KCNH8: variants seen among roughly 807,000 people sequenced by gnomAD.
KCNH8 encodes voltage-gated delayed rectifier potassium channel KCNH8.
In KCNH8, 70 loss-of-function variants were observed where a neutral mutation model predicts 103.6. That is an observed-to-expected ratio of 0.68 (90% confidence interval 0.56 to 0.82). The LOEUF is 0.82. Ranked by LOEUF, KCNH8 falls within the 40% of genes least tolerant of loss-of-function variation. The probability of loss-of-function intolerance (pLI) is 0.00; values close to 1 mark genes in which losing one functional copy is unlikely to be tolerated. For missense variants in KCNH8, 1,217 were observed against 1,329.9 expected, an observed-to-expected ratio of 0.92 and a Z score of 1.32; for synonymous variants, 498 against 489.4, an observed-to-expected ratio of 1.02 and a Z score of -0.23.
At chr3:19,219,417 G>A (rs1343469071) in intron 1 of KCNH8, among the ~76,000 whole-genome samples, 1 of 152,068 alleles carries the variant, frequency 6.6e-6, no homozygotes, top group African/African-American at 2.4e-5. Flanking sequence ...CCTCTGAGGG[G>A]TCTTTGTCTT....
At chr3:19,339,523 C>G (rs1318236818) in intron 3 of KCNH8, among the ~76,000 whole-genome samples, 1 of 152,054 alleles carries the variant, frequency 6.6e-6, no homozygotes, top group Non-Finnish European at 1.5e-5. Flanking sequence ...AAAAATTTAA[C>G]ACACGAAGAT....
chr3:19,457,963 A>G (rs2067559876), intron 11 of KCNH8, among the ~76,000 whole-genome samples: 1 of 151,982 alleles, frequency 6.6e-6, no homozygotes, highest in Admixed American at 6.6e-5. Context: ...TCCATTGTTG[A>G]TAGCAAACAG....
chr3:19,391,811 A>G (rs2125131640), intron 6 of KCNH8: 1 of 152,128 alleles, frequency 6.6e-6, no homozygotes, highest in East Asian at 1.9e-4. Context: ...TAGGCTTTCT[A>G]CAGTGCTTTT....
chr3:19,302,939 T>C (rs2065082163), intron 3 of KCNH8, among the ~76,000 whole-genome samples: 1 of 152,200 alleles, frequency 6.6e-6, no homozygotes, highest in South Asian at 2.1e-4. Flanking sequence ...CACAAGCCAC[T>C]ATTATCCTTG....
chr3:19,311,872 C>A (rs1204755697), intron 3 of KCNH8, among the ~76,000 whole-genome samples: 1 of 151,862 alleles, frequency 6.6e-6, no homozygotes, highest in East Asian at 1.9e-4. Flanking sequence ...GAGTCTTGAC[C>A]AAAATTCCTG....
At chr3:19,339,509 G>A (rs1173328886) in intron 3 of KCNH8, among the ~76,000 whole-genome samples, 1 of 152,050 alleles carries the variant, frequency 6.6e-6, no homozygotes, top group Non-Finnish European at 1.5e-5. Context: ...TTCTATGTAA[G>A]TCAAAAAATT....
chr3:19,412,659 G>A (rs1369165066), intron 7 of KCNH8, among the ~76,000 whole-genome samples: 2 of 151,770 alleles, frequency 1.3e-5, no homozygotes, highest in Admixed American at 1.3e-4. Context: ...TAATGTCGAA[G>A]ATATGTAAGA....
At chr3:19,358,251 TTC>T (rs1235851524) in intron 5 of KCNH8, among the ~76,000 whole-genome samples, 7 of 145,534 alleles carry the variant, frequency 4.8e-5, no homozygotes, top group African/African-American at 1.3e-4. Context: ...CTTTCTTTCT[TTC>T]TCTCTCTCTT....
chr3:19,355,976 T>C (rs2065877238), intron 5 of KCNH8, among the ~76,000 whole-genome samples: 1 of 151,784 alleles, frequency 6.6e-6, no homozygotes, highest in Admixed American at 6.6e-5. Flanking sequence ...GGAGTAGTAG[T>C]ATTAATTTGG....
At chr3:19,289,106 A>C (rs1478004520) in intron 3 of KCNH8, among the ~76,000 whole-genome samples, 4 of 151,754 alleles carry the variant, frequency 2.6e-5, no homozygotes, top group Non-Finnish European at 5.9e-5. Flanking sequence ...GTTTGAGTTC[A>C]TTGTAGATTC....
chr3:19,426,056 C>T lies in KCNH8; in HGVS notation c.1178-12108C>T, dbSNP rs577248141. Reference sequence around the variant, plus strand: ...GCAGAGAATCATGTGTTCCTGGATTCTTAGCTCTTGTGGAAACTGGAGCCA... The same window carrying T: ...GCAGAGAATCATGTGTTCCTGGATTTTTAGCTCTTGTGGAAACTGGAGCCA... On this transcript the variant is annotated intron_variant, in intron 7 of 15. Transcript: ENST00000328405. 2.6e-5 allele frequency among the ~76,000 whole-genome samples: 4 copies of T among 152,250 alleles called. No individual in the cohort carries two copies. The South Asian group carries it at 8.3e-4, about 32-fold the overall frequency.
At chr3:19,479,295 C>T (rs1412159092) in intron 11 of KCNH8, among the ~76,000 whole-genome samples, 1 of 152,084 alleles carries the variant, frequency 6.6e-6, no homozygotes, top group Non-Finnish European at 1.5e-5. Flanking sequence ...TACCATTTAC[C>T]TAGTGGAAAA....
chr3:19,192,374 G>C (rs2063561668), intron 1 of KCNH8, among the ~76,000 whole-genome samples: 1 of 151,434 alleles, frequency 6.6e-6, no homozygotes, highest in Admixed American at 6.6e-5. Flanking sequence ...ACTCTCACTG[G>C]GGTTCCAACG....
chr3:19,322,457 G>A (rs915206779), intron 3 of KCNH8, among the ~76,000 whole-genome samples: 25 of 152,122 alleles, frequency 1.6e-4, no homozygotes, highest in African/African-American at 6.0e-4. Context: ...ATGAAGCTTA[G>A]TTTCACTGCA....
At chr3:19,451,462 A>G in intron 10 of KCNH8, 58 bp downstream of exon 10, 1 of 1,538,820 alleles carries the variant, frequency 6.5e-7, no homozygotes, top group Non-Finnish European at 8.9e-7. Context: ...AATTAAGAAG[A>G]TGAAATGGGG....
chr3:19,304,390 A>G (rs565990226), intron 3 of KCNH8, among the ~76,000 whole-genome samples: 11 of 152,058 alleles, frequency 7.2e-5, no homozygotes, highest in East Asian at 1.9e-4. Context: ...AAATCAAAAT[A>G]AACAAAGAGA....
At position 19,444,663 on chromosome 3, in the gene KCNH8, C is replaced by T. The variant is rs528383877; in HGVS notation, c.1376-5443C>T. ...AATCAATAAGAAAAAAATCAATCAA[C>T]GCCCTGAAATGGGCAAAAGCTTGAA... On this transcript the variant is annotated intron_variant, in intron 8 of 15. Transcript: ENST00000328405. Among the ~76,000 whole-genome samples the T allele has an allele frequency of 1.7e-4, 26 of 151,580 alleles. No homozygotes were observed. In the South Asian group the frequency reaches 2.5e-3, roughly 15 times the overall value.
At chr3:19,354,731 C>T (rs2065854817) in intron 5 of KCNH8, among the ~76,000 whole-genome samples, 1 of 152,158 alleles carries the variant, frequency 6.6e-6, no homozygotes, top group African/African-American at 2.4e-5. Context: ...AAAATTAATT[C>T]AAGATGGATT....
chr3:19,152,414 G>A (rs78016551), intron 1 of KCNH8, among the ~76,000 whole-genome samples: 6,672 of 152,124 alleles, frequency 0.044, 488 homozygotes, highest in African/African-American at 0.15. Context: ...ACATAATGGT[G>A]GATTAGCCTA....
Sources: gnomAD v4.1 joint callset for allele counts (sites outside exome capture counted in the v4.1 genomes callset) on GRCh38, gnomAD v4.1.1 for gene constraint, MANE v1.5 for transcripts, NCBI Gene and HGNC (gene_info 2026-07-23, HGNC 2026-07-21) for gene names.